Variants in CATSPERT observed in about 807,000 individuals in gnomAD.
The protein encoded by CATSPERT is catsper channel auxiliary subunit tau.
the CATSPERT span, among the ~76,000 whole-genome samples, chr2:201,498,574 TCA>T: frequency 6.6e-6 from 1 of 152,084 alleles, no homozygotes; most frequent in Non-Finnish European, 1.5e-5. Flanking sequence ...GGCAACACCC[TCA>T]CAGACACACC....
the CATSPERT span, among the ~76,000 whole-genome samples, chr2:201,562,042 CA>C: frequency 0.055 from 8,352 of 152,126 alleles, 275 homozygotes; most frequent in African/African-American, 0.08. Flanking sequence ...GGTCCATTTA[CA>C]AATGGCTGCC....
the CATSPERT span, among the ~76,000 whole-genome samples, chr2:201,500,120 C>T: frequency 1.3e-5 from 2 of 152,086 alleles, no homozygotes; most frequent in Admixed American, 6.5e-5. Flanking sequence ...TTCTAGCCTC[C>T]TTTGCAGACA....
At chr2:201,586,585 T>A in the CATSPERT span, among the ~76,000 whole-genome samples, 10 of 152,176 alleles carry the variant, frequency 6.6e-5, no homozygotes, top group South Asian at 2.1e-3. Context: ...TTACAAAAGA[T>A]ACAGATAAAA....
At chr2:201,499,211 C>A in the CATSPERT span, among the ~76,000 whole-genome samples, 2 of 152,246 alleles carry the variant, frequency 1.3e-5, no homozygotes, top group South Asian at 4.1e-4. Flanking sequence ...GGAACTAACT[C>A]CAGCATAAAT....
At chr2:201,497,307 A>C in the CATSPERT span, among the ~76,000 whole-genome samples, 1 of 152,044 alleles carries the variant, frequency 6.6e-6, no homozygotes, top group Non-Finnish European at 1.5e-5. Flanking sequence ...AATGTGTCTA[A>C]CTCTGAATTC....
the CATSPERT span, among the ~76,000 whole-genome samples, chr2:201,576,853 A>C: frequency 6.6e-6 from 1 of 152,210 alleles, no homozygotes. Context: ...ACTTAAACAT[A>C]ATTCTATATG....
chr2:201,572,119 C>A, the CATSPERT span: 2 of 780,066 alleles, frequency 2.6e-6, no homozygotes, highest in Non-Finnish European at 4.1e-6. Context: ...CTATGAATAC[C>A]CCAGGACTAT....
the CATSPERT span, among the ~76,000 whole-genome samples, chr2:201,500,467 T>C: frequency 0.067 from 10,242 of 152,136 alleles, 723 homozygotes; most frequent in East Asian, 0.27. Context: ...TGAGCCAAGA[T>C]TGCATCACTG....
the CATSPERT span, chr2:201,565,914 AG>A: frequency 6.5e-7 from 1 of 1,526,916 alleles, no homozygotes; most frequent in South Asian, 1.3e-5. Context: ...ATTATACAAA[AG>A]TCCACTTCCA....
At chr2:201,566,345 C>A in the CATSPERT span, among the ~76,000 whole-genome samples, 41 of 131,182 alleles carry the variant, frequency 3.1e-4, no homozygotes, top group Admixed American at 3.8e-4. Flanking sequence ...TCCTAATGCT[C>A]TCCCTCCCCC....
the CATSPERT span, among the ~76,000 whole-genome samples, chr2:201,603,515 C>G: frequency 6.6e-6 from 1 of 152,170 alleles, no homozygotes; most frequent in Non-Finnish European, 1.5e-5. Context: ...GAATACAAAG[C>G]CAAAGAATAA....
chr2:201,581,591 T>TATATATATATATATATAC, the CATSPERT span, among the ~76,000 whole-genome samples: 1 of 45,320 alleles, frequency 2.2e-5, no homozygotes, highest in Non-Finnish European at 3.9e-5. Flanking sequence ...TATATATATA[T>TATATATATATATATATAC]ATACACATAC....
At chr2:201,516,039 T>G in the CATSPERT span, among the ~76,000 whole-genome samples, 1 of 152,250 alleles carries the variant, frequency 6.6e-6, no homozygotes, top group Admixed American at 6.5e-5. Context: ...TAGTATGTAC[T>G]TATATAAACC....
the CATSPERT span, among the ~76,000 whole-genome samples, chr2:201,556,564 C>T: frequency 4.0e-5 from 6 of 151,784 alleles, no homozygotes; most frequent in South Asian, 1.2e-3. Flanking sequence ...GTTTGGCTCA[C>T]ATCTGTAATC....
At chr2:201,613,414 C>A in the CATSPERT span, among the ~76,000 whole-genome samples, 1 of 152,194 alleles carries the variant, frequency 6.6e-6, no homozygotes, top group Non-Finnish European at 1.5e-5. Context: ...GTTCTGCAGC[C>A]TCCACTGGTG....
At chr2:201,599,238 T>C in the CATSPERT span, among the ~76,000 whole-genome samples, 3 of 152,176 alleles carry the variant, frequency 2.0e-5, no homozygotes, top group Non-Finnish European at 2.9e-5. Context: ...GGTGCAATTT[T>C]AGAATTCCAC....
the CATSPERT span, among the ~76,000 whole-genome samples, chr2:201,511,259 C>T: frequency 2.6e-5 from 4 of 152,142 alleles, no homozygotes; most frequent in East Asian, 1.9e-4. Flanking sequence ...TCTGATCCAA[C>T]GATTCTACTT....
the CATSPERT span, among the ~76,000 whole-genome samples, chr2:201,611,002 G>A: frequency 6.6e-6 from 1 of 152,114 alleles, no homozygotes; most frequent in East Asian, 1.9e-4. Context: ...TATAACAAAT[G>A]CCTGGCTAAC....
the CATSPERT span, among the ~76,000 whole-genome samples, chr2:201,584,362 T>A: frequency 6.6e-6 from 1 of 151,920 alleles, no homozygotes; most frequent in African/African-American, 2.4e-5. Flanking sequence ...AGAGACAAAG[T>A]GATGAAAAAT....
Sources: allele counts gnomAD v4.1 joint callset (sites outside exome capture counted in the v4.1 genomes callset), GRCh38; gene constraint gnomAD v4.1.1; transcripts MANE v1.5; gene names NCBI Gene and HGNC (gene_info 2026-07-23, HGNC 2026-07-21).